TVP23C: variants seen among roughly 807,000 people sequenced by gnomAD.
TVP23C encodes the protein trans-golgi network vesicle protein 23 homolog C.
In TVP23C, 19 loss-of-function variants were observed where a neutral mutation model predicts 28.7. The observed-to-expected ratio is 0.66, with a 90% CI of 0.46 to 0.97. TVP23C has a LOEUF of 0.97. TVP23C is among the 50% of genes least tolerant of loss of function. The pLI, the probability that TVP23C is intolerant of heterozygous loss-of-function variation, is 0.00. For synonymous variants in TVP23C, 68 were observed against 81.7 expected, an observed-to-expected ratio of 0.83 and a Z score of 0.90; for missense variants, 186 against 241.3, an observed-to-expected ratio of 0.77 and a Z score of 1.52.
chr17:15,526,933 T>C (rs1266826593), intron 5 of TVP23C, among the ~76,000 whole-genome samples: 1 of 152,240 alleles, frequency 6.6e-6, no homozygotes. Flanking sequence ...TGATCTCTGT[T>C]AAATAAAATT....
intron 5 of TVP23C, among the ~76,000 whole-genome samples, chr17:15,509,817 T>C (rs368369021): frequency 1.3e-5 from 2 of 152,222 alleles, no homozygotes; most frequent in African/African-American, 4.8e-5. Context: ...GAAGTGCTCC[T>C]TCCCTGGCTC....
At chr17:15,557,794 G>A (rs1288852777) in intron 1 of TVP23C, among the ~76,000 whole-genome samples, 1 of 141,060 alleles carries the variant, frequency 7.1e-6, no homozygotes, top group Non-Finnish European at 1.6e-5. Context: ...GGGCACTGGA[G>A]AAGCTTTCTG....
intron 5 of TVP23C, among the ~76,000 whole-genome samples, chr17:15,543,026 T>C (rs1983487355): frequency 6.6e-6 from 1 of 152,046 alleles, no homozygotes; most frequent in Non-Finnish European, 1.5e-5. Flanking sequence ...GGATGGATGC[T>C]AAAGCTCTAA....
Position 15,507,288 on chromosome 17 carries a change from C to T in TVP23C, c.463-4056G>A, listed in dbSNP as rs537807962. On this transcript the variant is annotated intron_variant, in intron 5 of 5. Transcript: ENST00000225576. ...CATGAATATTGTGAAGCCCATGGAG[C>T]GCTTTCGGTCCAGGAATGGCAAGAC... 128 of 753,554 alleles carry T rather than the reference C, an allele frequency of 1.7e-4. 2 individuals carry two copies. Among genetic ancestry groups the T allele is most frequent in the South Asian group, 1.6e-3 (120 of 74,032 alleles). The allele number at this position is 753,554 out of a possible 1,614,324, so 46.7% of individuals were successfully genotyped here.
intron 5 of TVP23C, among the ~76,000 whole-genome samples, chr17:15,505,567 C>A (rs1366998313): frequency 6.6e-6 from 1 of 152,220 alleles, no homozygotes; most frequent in African/African-American, 2.4e-5. Flanking sequence ...GCTCTCGGAA[C>A]CTCCTCTGCC....
chr17:15,507,546 A>T (rs1417912525), intron 5 of TVP23C, among the ~76,000 whole-genome samples: 1 of 152,190 alleles, frequency 6.6e-6, no homozygotes, highest in African/African-American at 2.4e-5. Context: ...ATATGAAATA[A>T]AATCTAAATA....
rs557371497 is a variant in TVP23C at position 15,525,939 on chromosome 17, G to A, written c.462+19846C>T. 2.6e-5 allele frequency among the ~76,000 whole-genome samples: 4 copies of A among 152,198 alleles called. No individual in the cohort carries two copies. In the South Asian group the frequency reaches 6.2e-4, roughly 24 times the overall value. Reference sequence around the variant, plus strand: ...AATGGTGGTAGTATCTCCCTCACACGGTCATTGCAAAGAGTCAAAGAGATT... The same window carrying A: ...AATGGTGGTAGTATCTCCCTCACACAGTCATTGCAAAGAGTCAAAGAGATT... On this transcript the variant is annotated intron_variant, in intron 5 of 5. Coordinates refer to the TVP23C transcript ENST00000225576.
chr17:15,553,903 T>C, intron 2 of TVP23C, 74 bp from the exon 3 acceptor site: 1 of 1,600,402 alleles, frequency 6.2e-7, no homozygotes, highest in Non-Finnish European at 8.5e-7. Context: ...GAGAAAAATG[T>C]TTTAGCCATC....
chr17:15,531,790 T>C (rs1222243634), intron 5 of TVP23C, among the ~76,000 whole-genome samples: 7 of 152,204 alleles, frequency 4.6e-5, no homozygotes, highest in African/African-American at 1.7e-4. Flanking sequence ...TTTTCCCCCA[T>C]ATATAGGCGG....
At chr17:15,550,774 G>A (rs9906036) in intron 3 of TVP23C, among the ~76,000 whole-genome samples, 73,312 of 151,684 alleles carry the variant, frequency 0.48, 18,699 homozygotes, top group Middle Eastern at 0.62. Context: ...GTTTCTTTTT[G>A]TTTGAGTTGA....
chr17:15,503,364 C>A (rs1981576539), intron 5 of TVP23C: 1 of 1,119,128 alleles, frequency 8.9e-7, no homozygotes, highest in African/African-American at 1.6e-5. Flanking sequence ...GTGACCACGC[C>A]ACTGCACTCC....
intron 5 of TVP23C, 109 bp downstream of exon 5, chr17:15,545,676 C>T: frequency 1.4e-6 from 2 of 1,415,878 alleles, no homozygotes; most frequent in Non-Finnish European, 1.9e-6. Context: ...ATGAAGCTGC[C>T]TATTCAAGAT....
intron 1 of TVP23C, among the ~76,000 whole-genome samples, chr17:15,557,575 AG>A: frequency 6.7e-6 from 1 of 148,766 alleles, no homozygotes; most frequent in Non-Finnish European, 1.5e-5. Flanking sequence ...CTGGGATTAT[AG>A]GTGTGAGCCA....
At position 15,515,393 on chromosome 17, in the gene TVP23C, A is replaced by G. The variant is rs533585838; in HGVS notation, c.463-12161T>C. ...GCTCCTGAGGACCTGACCTAAGACA[A>G]GCACCCATGTGAACCAGGCACCGGG... On this transcript the variant is annotated intron_variant, in intron 5 of 5. Transcript: ENST00000225576. Among the ~76,000 whole-genome samples, 153 of 152,264 alleles carry G rather than the reference A, an allele frequency of 1.0e-3. 1 individual carries two copies. Among genetic ancestry groups the G allele is most frequent in the Middle Eastern group, 3.4e-3 (1 of 294 alleles).
intron 5 of TVP23C, among the ~76,000 whole-genome samples, chr17:15,505,456 T>C (rs1255349837): frequency 6.6e-6 from 1 of 152,186 alleles, no homozygotes; most frequent in Non-Finnish European, 1.5e-5. Flanking sequence ...TTCCTTCCTG[T>C]ATAACTCAAG....
At chr17:15,549,185 A>C (rs1282292895) in intron 3 of TVP23C, among the ~76,000 whole-genome samples, 1 of 152,202 alleles carries the variant, frequency 6.6e-6, no homozygotes, top group Non-Finnish European at 1.5e-5. Flanking sequence ...CCCTGTATGA[A>C]GGTGATGTGG....
Position 15,547,149 on chromosome 17 carries a change from C to G in TVP23C, c.241-1G>C. ...CAACCATTAGTCTACCTGTGACATT[C>G]TGGTGAAGATTAATATAAACAGGCA... On this transcript the variant is annotated splice_acceptor_variant, in intron 3 of 5. Coordinates refer to ENST00000518321, the MANE Select transcript of TVP23C (RefSeq NM_001135036.2). LOFTEE classifies it high-confidence loss of function. 1 of 1,612,512 alleles carries G rather than the reference C, an allele frequency of 6.2e-7. No individual in the cohort carries two copies. Among genetic ancestry groups the G allele is most frequent in the Non-Finnish European group, 8.5e-7 (1 of 1,179,410 alleles).
Position 15,538,699 on chromosome 17 carries a change from C to T in TVP23C, c.*1713G>A. ...GTCTCATTTGAGCAGACGCCGGATA[C>T]CATGTAAGACACTAACCCTATCCAT... is the stretch of plus-strand genomic sequence containing the variant. On this transcript the variant is annotated 3_prime_UTR_variant, in exon 6 of 6. Coordinates refer to ENST00000518321, the MANE Select transcript of TVP23C (RefSeq NM_001135036.2). 1.0e-6 allele frequency: 1 copy of T among 985,400 alleles called. No individual in the cohort carries two copies. The highest frequency in any genetic ancestry group is 1.2e-6 in the Non-Finnish European group (1 of 829,928). The allele number at this position is 985,400 out of a possible 1,614,324, so 61.0% of individuals were successfully genotyped here.
At chr17:15,527,965 T>C (rs1982795761) in intron 5 of TVP23C, among the ~76,000 whole-genome samples, 1 of 152,272 alleles carries the variant, frequency 6.6e-6, no homozygotes, top group Admixed American at 6.5e-5. Context: ...AAGCATTCAG[T>C]AAGGATTGCT....
Sources: gnomAD v4.1 joint callset for allele counts (sites outside exome capture counted in the v4.1 genomes callset) on GRCh38, gnomAD v4.1.1 for gene constraint, MANE v1.5 for transcripts, NCBI Gene and HGNC (gene_info 2026-07-23, HGNC 2026-07-21) for gene names.